The following SPON1 variants were observed in gnomAD, a reference collection of about 807,000 sequenced individuals.
SPON1 encodes the protein spondin-1.
A neutral mutation model predicts 111.7 loss-of-function variants in SPON1; 52 were observed. That is an observed-to-expected ratio of 0.47 (90% CI 0.37 to 0.59). The LOEUF is 0.59. Among genes scored for constraint, SPON1 ranks in the 20% least tolerant of loss-of-function variants. SPON1 has a pLI of 0.00. For missense variants in SPON1, 957 were observed against 1,068.5 expected (o/e 0.90, Z 1.46); for synonymous variants, 410 against 395.8 (o/e 1.04, Z -0.43).
chr11:14,161,144 A>G (rs1184710737), intron 6 of SPON1, among the ~76,000 whole-genome samples: 2 of 85,864 alleles, frequency 2.3e-5, no homozygotes, highest in Non-Finnish European at 4.3e-5. Context: ...ATATATCTAT[A>G]TATCTATATA....
chr11:14,203,966 A>G (rs1848490113), intron 6 of SPON1, among the ~76,000 whole-genome samples: 1 of 152,226 alleles, frequency 6.6e-6, no homozygotes, highest in Non-Finnish European at 1.5e-5. Context: ...CAAAATCCAT[A>G]ATGCTCAGGT....
chr11:14,007,169 T>C (rs1456765292), intron 2 of SPON1, among the ~76,000 whole-genome samples: 1 of 152,244 alleles, frequency 6.6e-6, no homozygotes, highest in African/African-American at 2.4e-5. Flanking sequence ...ATCCCTTGCA[T>C]GTGCAGTTCA....
At chr11:14,150,792 G>GT (rs1472706480) in intron 6 of SPON1, among the ~76,000 whole-genome samples, 1 of 152,220 alleles carries the variant, frequency 6.6e-6, no homozygotes, top group Non-Finnish European at 1.5e-5. Context: ...GGAAAGTCAA[G>GT]TACAGGACAC....
At chr11:14,030,457 G>T (rs1848549862) in intron 2 of SPON1, among the ~76,000 whole-genome samples, 1 of 152,160 alleles carries the variant, frequency 6.6e-6, no homozygotes, top group Non-Finnish European at 1.5e-5. Flanking sequence ...CGCCAATGGT[G>T]CTCGTGGCCA....
At position 13,979,440 on chromosome 11, in the gene SPON1, C is replaced by A. The variant is rs527551221; in HGVS notation, c.239-3407C>A. Among the ~76,000 whole-genome samples, 13 of 152,332 alleles carry A rather than the reference C, an allele frequency of 8.5e-5. No homozygotes were observed. In the South Asian group the frequency reaches 1.0e-3, roughly 12 times the overall value. Reference sequence around the variant, plus strand: ...AACATATCTTAAACCGTAACACAAGCCTCAGATGAGGATTCAGATGAAAGT... The same window carrying A: ...AACATATCTTAAACCGTAACACAAGACTCAGATGAGGATTCAGATGAAAGT... On this transcript the variant is annotated intron_variant, in intron 1 of 15. Transcript: ENST00000576479.
Position 14,052,990 on chromosome 11 carries a change from G to A in SPON1, c.479+11336G>A, listed in dbSNP as rs79133864. The stretch of plus-strand genomic sequence containing the variant: ...GTTGGCATGCAAGAACACATGGCCC[G>A]CCCTATTTGTGAGCTAGCACCAGGT... On this transcript the variant is annotated intron_variant, in intron 3 of 15. Coordinates refer to ENST00000576479, the MANE Select transcript of SPON1 (RefSeq NM_006108.4). Among the ~76,000 whole-genome samples, 285 of 152,256 alleles carry A rather than the reference G, an allele frequency of 1.9e-3. 3 individuals carry two copies. The East Asian group carries it at 0.02, about 11-fold the overall frequency.
chr11:14,066,024 G>C (rs1848829967), intron 3 of SPON1, among the ~76,000 whole-genome samples: 1 of 152,202 alleles, frequency 6.6e-6, no homozygotes, highest in African/African-American at 2.4e-5. Context: ...CAAGTGAACT[G>C]TAAGAGGCAT....
intron 1 of SPON1, among the ~76,000 whole-genome samples, chr11:13,973,996 C>T (rs1013945348): frequency 3.3e-5 from 5 of 152,208 alleles, no homozygotes; most frequent in African/African-American, 4.8e-5. Flanking sequence ...ACAGCATAAT[C>T]CAACCCCACC....
At chr11:14,107,590 GAAAAA>G (rs3047369) in intron 5 of SPON1, among the ~76,000 whole-genome samples, 1 of 119,262 alleles carries the variant, frequency 8.4e-6, no homozygotes, top group African/African-American at 3.1e-5. Flanking sequence ...AGATCCTCAG[GAAAAA>G]AAAAAAAAAA....
intron 3 of SPON1, among the ~76,000 whole-genome samples, chr11:14,054,108 C>T (rs1848727440): frequency 6.6e-6 from 1 of 152,150 alleles, no homozygotes; most frequent in Non-Finnish European, 1.5e-5. Context: ...AAAGAATGTA[C>T]CACACTCCCT....
intron 2 of SPON1, among the ~76,000 whole-genome samples, chr11:13,986,112 G>T (rs1554910299): frequency 6.6e-6 from 1 of 152,186 alleles, no homozygotes; most frequent in African/African-American, 2.4e-5. Flanking sequence ...TTGGGGATAG[G>T]GTGGTGAGAA....
intron 5 of SPON1, among the ~76,000 whole-genome samples, chr11:14,102,996 G>A (rs1554924532): frequency 6.6e-6 from 1 of 152,142 alleles, no homozygotes; most frequent in Non-Finnish European, 1.5e-5. Context: ...TACTGCTTGG[G>A]ATTTAGTTAC....
At chr11:14,156,265 T>G (rs1470097857) in intron 6 of SPON1, among the ~76,000 whole-genome samples, 1 of 147,026 alleles carries the variant, frequency 6.8e-6, no homozygotes, top group African/African-American at 2.5e-5. Context: ...ATTTTTTTCA[T>G]GTGTTTTTTG....
At chr11:13,964,496 T>G (rs1848000581) in intron 1 of SPON1, among the ~76,000 whole-genome samples, 1 of 152,152 alleles carries the variant, frequency 6.6e-6, no homozygotes, top group South Asian at 2.1e-4. Flanking sequence ...TTGGAGCGCT[T>G]TTCCCCCTTT....
chr11:14,059,411 C>T (rs999201708), intron 3 of SPON1, among the ~76,000 whole-genome samples: 1 of 152,084 alleles, frequency 6.6e-6, no homozygotes, highest in Non-Finnish European at 1.5e-5. Flanking sequence ...TGCATGTGGT[C>T]TCAGGCAGGA....
chr11:14,115,170 T>G (rs1257126251), intron 5 of SPON1, among the ~76,000 whole-genome samples: 1 of 152,160 alleles, frequency 6.6e-6, no homozygotes, highest in African/African-American at 2.4e-5. Context: ...TTTCATCCAA[T>G]GCAGCTCAAG....
intron 6 of SPON1, among the ~76,000 whole-genome samples, chr11:14,242,245 A>G (rs1848936420): frequency 6.6e-6 from 1 of 152,162 alleles, no homozygotes; most frequent in Non-Finnish European, 1.5e-5. Context: ...GAAGGTCACA[A>G]TGCATTCTAA....
intron 6 of SPON1, among the ~76,000 whole-genome samples, chr11:14,188,240 T>C (rs1234682938): frequency 2.0e-5 from 3 of 152,130 alleles, no homozygotes; most frequent in Admixed American, 6.5e-5. Context: ...CATTTATATT[T>C]GATTCTATTG....
At chr11:13,976,455 T>C (rs1354913602) in intron 1 of SPON1, among the ~76,000 whole-genome samples, 1 of 152,232 alleles carries the variant, frequency 6.6e-6, no homozygotes, top group Non-Finnish European at 1.5e-5. Flanking sequence ...CAAATTATAC[T>C]GTGTAACAAC....
Sources: gnomAD v4.1 joint callset for allele counts (sites outside exome capture counted in the v4.1 genomes callset) on GRCh38, gnomAD v4.1.1 for gene constraint, MANE v1.5 for transcripts, NCBI Gene and HGNC (gene_info 2026-07-23, HGNC 2026-07-21) for gene names.